AP4E1: variants seen among roughly 807,000 people sequenced by gnomAD.
AP4E1 encodes the protein AP-4 complex subunit epsilon-1.
In AP4E1, 56 loss-of-function variants were observed where a neutral mutation model predicts 128.2. The observed-to-expected ratio is 0.44, with a 90% CI of 0.35 to 0.55. The LOEUF is 0.55. Among genes scored for constraint, AP4E1 ranks in the 20% least tolerant of loss-of-function variants. The probability of loss-of-function intolerance (pLI) is 0.00; values close to 1 mark genes in which losing one functional copy is unlikely to be tolerated. For missense variants in AP4E1, 1,324 were observed against 1,307.7 expected (o/e 1.01, Z -0.19); for synonymous variants, 484 against 473.1 (o/e 1.02, Z -0.30).
intron 8 of AP4E1, among the ~76,000 whole-genome samples, chr15:50,937,636 A>G (rs2141169470): frequency 6.6e-6 from 1 of 152,334 alleles, no homozygotes; most frequent in Middle Eastern, 3.4e-3. Flanking sequence ...AGAGATCATT[A>G]AGGGCCTGAG....
chr15:50,943,363 T>A (rs2064013428), intron 10 of AP4E1, among the ~76,000 whole-genome samples: 1 of 152,198 alleles, frequency 6.6e-6, no homozygotes, highest in African/African-American at 2.4e-5. Context: ...TTACAAATTT[T>A]AAATTTTAAA....
rs2064995825 is a variant in AP4E1, at chr15:51,004,224, G to A, written c.*1562G>A. ...GTGTGCTGACTTCAGGGGTGTGGTGGACACTGGTAGCTAGCCTTATCAGCT... is the reference window on the plus strand; with the variant it reads ...GTGTGCTGACTTCAGGGGTGTGGTGAACACTGGTAGCTAGCCTTATCAGCT... On this transcript the variant is annotated 3_prime_UTR_variant, in exon 21 of 21. Coordinates refer to ENST00000261842, the MANE Select transcript of AP4E1 (RefSeq NM_007347.5). 6.6e-6 allele frequency: 1 copy of A among 152,156 alleles called. No individual in the cohort carries two copies. The highest frequency in any genetic ancestry group is 2.1e-4 in the South Asian group (1 of 4,822). The allele number at this position is 152,156 out of a possible 1,614,324, so 9.4% of individuals were successfully genotyped here. A position where few individuals can be genotyped will look rare whatever the true frequency, so the allele number is the denominator to read the frequency against.
intron 8 of AP4E1, 50 bp from the exon 9 acceptor site, chr15:50,941,392 T>A: frequency 2.5e-6 from 4 of 1,591,144 alleles, no homozygotes; most frequent in Non-Finnish European, 3.4e-6. Flanking sequence ...AATACATTGT[T>A]TTGTTATACC....
intron 14 of AP4E1, 66 bp downstream of exon 14, chr15:50,958,860 T>A (rs1190992624): frequency 2.0e-6 from 3 of 1,494,968 alleles, no homozygotes; most frequent in Non-Finnish European, 2.8e-6. Context: ...TTCTTGCATT[T>A]GTGACATATC....
chr15:50,969,750 C>T (rs570763972), intron 15 of AP4E1, among the ~76,000 whole-genome samples: 1 of 151,590 alleles, frequency 6.6e-6, no homozygotes, highest in East Asian at 2.0e-4. Context: ...GCTCTGCCTC[C>T]TGGGTTCATG....
chr15:50,965,889 T>C (rs115250045), intron 14 of AP4E1, among the ~76,000 whole-genome samples: 6,989 of 152,198 alleles, frequency 0.046, 524 homozygotes, highest in African/African-American at 0.16. Context: ...TTATTTCATA[T>C]CATGATCTCC....
intron 13 of AP4E1, among the ~76,000 whole-genome samples, chr15:50,956,389 G>A (rs1008139275): frequency 2.0e-4 from 31 of 152,024 alleles, no homozygotes; most frequent in African/African-American, 6.5e-4. Flanking sequence ...TGCTGGTGCC[G>A]ATATTATACC....
At chr15:50,975,196 G>A (rs1277034024) in intron 15 of AP4E1, among the ~76,000 whole-genome samples, 5 of 152,082 alleles carry the variant, frequency 3.3e-5, no homozygotes, top group Non-Finnish European at 4.4e-5. Context: ...ACCTGAGGTC[G>A]GGAGTTCGAG....
At position 50,915,708 on chromosome 15, in the gene AP4E1, A is replaced by C. The variant is rs2063622293; in HGVS notation, c.346+137A>C. On this transcript the variant is annotated intron_variant, in intron 3 of 20. Coordinates refer to ENST00000261842, the MANE Select transcript of AP4E1 (RefSeq NM_007347.5). ...AATTTCTAAAACTTTAAAAGATCACACTTCAGAAAGTCAAAGCCATTTATA... is the reference window on the plus strand; with the variant it reads ...AATTTCTAAAACTTTAAAAGATCACCCTTCAGAAAGTCAAAGCCATTTATA... 5 of 1,107,504 alleles carry C rather than the reference A, an allele frequency of 4.5e-6. No individual in the cohort carries two copies. The Admixed American group carries it at 7.2e-5, about 16-fold the overall frequency. The allele number at this position is 1,107,504 out of a possible 1,614,324, so 68.6% of individuals were successfully genotyped here. A position where few individuals can be genotyped will look rare whatever the true frequency, so the allele number is the denominator to read the frequency against.
intron 2 of AP4E1, among the ~76,000 whole-genome samples, chr15:50,914,467 A>G (rs2063603849): frequency 1.3e-5 from 2 of 151,986 alleles, no homozygotes; most frequent in South Asian, 4.2e-4. Context: ...CCTGGCCAAC[A>G]TGGTGAAACC....
chr15:50,979,453 G>C (rs1422707974), intron 15 of AP4E1, among the ~76,000 whole-genome samples: 1 of 152,208 alleles, frequency 6.6e-6, no homozygotes, highest in African/African-American at 2.4e-5. Flanking sequence ...GTAGCATGAA[G>C]GCCCTTGCCA....
At position 50,941,145 on chromosome 15, in the gene AP4E1, A is replaced by G. The variant is rs2141174480; in HGVS notation, c.944-297A>G. 2.6e-5 allele frequency among the ~76,000 whole-genome samples: 4 copies of G among 152,266 alleles called. No homozygotes were observed. The East Asian group carries it at 7.7e-4, about 29-fold the overall frequency. On this transcript the variant is annotated intron_variant, in intron 8 of 20. Transcript: ENST00000261842. ...TTCCATCTGTTTTGTTCACTGCTAT[A>G]TTCATAGTACTGAAACCATGCCTGG...
chr15:50,928,054 C>T (rs751183751), intron 5 of AP4E1, among the ~76,000 whole-genome samples: 1 of 152,140 alleles, frequency 6.6e-6, no homozygotes, highest in Non-Finnish European at 1.5e-5. Flanking sequence ...ATGTTATCTG[C>T]TACAGATGAA....
Position 51,002,620 on chromosome 15 carries a change from CTATT to C in AP4E1, c.3375_3378del (p.Leu1126CysfsTer7). 1 of 1,614,146 alleles carries C rather than the reference CTATT, an allele frequency of 6.2e-7. No homozygotes were observed. Among genetic ancestry groups the C allele is most frequent in the Non-Finnish European group, 8.5e-7 (1 of 1,179,986 alleles). Reference sequence around the variant, plus strand: ...GATCCTCCTGTTCTACTCTTCCTGACTATTTACTGTATCAGTGTCAAAAGGTGAT... The same window carrying C: ...GATCCTCCTGTTCTACTCTTCCTGACTACTGTATCAGTGTCAAAAGGTGAT... On this transcript the variant is annotated frameshift_variant, in exon 21 of 21. Coordinates refer to ENST00000261842, the MANE Select transcript of AP4E1 (RefSeq NM_007347.5). LOFTEE classifies it high-confidence loss of function.
chr15:50,991,938 G>A (rs779769975), intron 16 of AP4E1, among the ~76,000 whole-genome samples: 17 of 148,446 alleles, frequency 1.1e-4, no homozygotes, highest in Non-Finnish European at 2.2e-4. Context: ...GCTTAAATAA[G>A]TCAAGTGCCA....
intron 8 of AP4E1, among the ~76,000 whole-genome samples, chr15:50,936,980 C>A (rs8041824): frequency 6.6e-6 from 1 of 152,022 alleles, no homozygotes; most frequent in Admixed American, 6.5e-5. Flanking sequence ...CCAACAGTTT[C>A]TTTCTTTGCA....
At chr15:50,987,600 T>C (rs2064746540) in intron 16 of AP4E1, among the ~76,000 whole-genome samples, 1 of 152,224 alleles carries the variant, frequency 6.6e-6, no homozygotes, top group South Asian at 2.1e-4. Context: ...AGTTTCCATG[T>C]AGTTGAGCGG....
chr15:51,002,021 G>A (rs1163258645), intron 20 of AP4E1, among the ~76,000 whole-genome samples: 1 of 152,140 alleles, frequency 6.6e-6, no homozygotes, highest in Non-Finnish European at 1.5e-5. Context: ...TAGGATTACA[G>A]GTGTGTGGCA....
At chr15:50,946,893 G>C (rs1038616148) in intron 10 of AP4E1, among the ~76,000 whole-genome samples, 1 of 152,198 alleles carries the variant, frequency 6.6e-6, no homozygotes, top group Non-Finnish European at 1.5e-5. Context: ...TGTAGCAGCT[G>C]TGCGCTGTGG....
Sources: allele counts gnomAD v4.1 joint callset (sites outside exome capture counted in the v4.1 genomes callset), GRCh38; gene constraint gnomAD v4.1.1; transcripts MANE v1.5; gene names NCBI Gene and HGNC (gene_info 2026-07-23, HGNC 2026-07-21).